Variants in KIAA1614 observed in about 807,000 individuals in gnomAD.
KIAA1614 encodes the protein KIAA1614, also known as uncharacterized protein KIAA1614.
Under a neutral mutation model 88.7 loss-of-function variants are expected in KIAA1614, and 76 were observed. The ratio of observed to expected loss-of-function variants is 0.86; its 90% CI spans 0.71 to 1.04. KIAA1614 has a LOEUF of 1.04. Ranked by LOEUF, KIAA1614 falls within the 50% of genes least tolerant of loss-of-function variation. KIAA1614 has a pLI of 0.00. For missense variants in KIAA1614, 1,553 were observed against 1,582.5 expected (o/e 0.98, Z 0.32); for synonymous variants, 714 against 675.5 (o/e 1.06, Z -0.88).
rs904047300 is a variant in KIAA1614 at position 180,947,526 on chromosome 1, A to G, written c.*1938A>G. ...TTGACTATTTGCTGATGAGCTGGAC[A>G]TGTAAGAGGAAGAGAGGACAGGTCT... is the stretch of plus-strand genomic sequence containing the variant. On this transcript the variant is annotated 3_prime_UTR_variant, in exon 9 of 9. Transcript: ENST00000367588. 5.3e-5 allele frequency: 8 copies of G among 152,252 alleles called. No homozygotes were observed. The highest frequency in any genetic ancestry group is 1.7e-4 in the African/African-American group (7 of 41,428). The allele number at this position is 152,252 out of a possible 1,614,324, so 9.4% of individuals were successfully genotyped here.
intron 3 of KIAA1614, 189 bp from the exon 4 acceptor site, chr1:180,928,241 C>A: frequency 1.5e-6 from 1 of 663,200 alleles, no homozygotes; most frequent in South Asian, 2.8e-5. Context: ...AGGGCCATTT[C>A]CCAGCCCCAG....
At chr1:180,928,924 T>C (rs1001046512) in intron 4 of KIAA1614, among the ~76,000 whole-genome samples, 2 of 152,312 alleles carry the variant, frequency 1.3e-5, no homozygotes, top group East Asian at 3.9e-4. Context: ...TAACTCCACC[T>C]GGAAAGGACA....
rs1654595927 is a variant in KIAA1614, at chr1:180,946,299, C to T, written c.*711C>T. The T allele has an allele frequency of 6.6e-6, 1 of 152,234 alleles. No homozygotes were observed. Among genetic ancestry groups the T allele is most frequent in the Non-Finnish European group, 1.5e-5 (1 of 68,092 alleles). 9.4% of individuals were successfully genotyped at this position (152,234 alleles called of 1,614,324 possible). A position where few individuals can be genotyped will look rare whatever the true frequency, so the allele number is the denominator to read the frequency against. On this transcript the variant is annotated 3_prime_UTR_variant, in exon 9 of 9. Transcript: ENST00000367588. ...ATGCCTGTCTGTCTCTGCATCCCGT[C>T]CCTCCCTCAGGCCTGTGCCCGATGA...
At chr1:180,941,409 G>A (rs1249225045) in intron 7 of KIAA1614, 124 bp downstream of exon 7, 42 of 1,174,956 alleles carry the variant, frequency 3.6e-5, no homozygotes, top group South Asian at 7.9e-5. Flanking sequence ...GTAGGGAGAC[G>A]GAAGCTGCTG....
chr1:180,925,597 G>A (rs891678737), intron 3 of KIAA1614, among the ~76,000 whole-genome samples: 1 of 152,240 alleles, frequency 6.6e-6, no homozygotes, highest in Admixed American at 6.5e-5. Context: ...GGAGAGCAAT[G>A]GTGGTTCTCC....
chr1:180,917,020 A>G lies in KIAA1614; in HGVS notation c.917A>G (p.Glu306Gly). The G allele has an allele frequency of 1.2e-6, 2 of 1,613,972 alleles. No individual in the cohort carries two copies. Among genetic ancestry groups the G allele is most frequent in the Non-Finnish European group, 1.7e-6 (2 of 1,180,040 alleles). Residue 306 changes from glutamate (E) to glycine (G), a missense_variant, in exon 2 of 9, where the codon GAG becomes GGG. Transcript: ENST00000367588. ...RVERNRLLLQEMLNVSGQSPR... is the reference protein window; with the variant it reads ...RVERNRLLLQGMLNVSGQSPR... The stretch of plus-strand genomic sequence containing the variant: ...GAGAGAAACCGCCTGTTGCTGCAGG[A>G]GATGCTCAACGTTTCTGGGCAGAGC...
rs1400449631 is a variant in KIAA1614 at position 180,935,179 on chromosome 1, A to G, written c.1270A>G (p.Asn424Asp). The G allele has an allele frequency of 6.8e-7, 1 of 1,475,436 alleles. No homozygotes were observed. The highest frequency in any genetic ancestry group is 9.0e-7 in the Non-Finnish European group (1 of 1,113,610). The allele number at this position is 1,475,436 out of a possible 1,614,324, so 91.4% of individuals were successfully genotyped here. Residue 424 changes from asparagine to aspartate, a missense_variant, in exon 5 of 9, where the codon AAC (asparagine) becomes GAC (aspartate). Transcript: ENST00000367588. The surrounding 1 kb of genome is among the most constrained non-coding windows in gnomAD (Gnocchi z 6.1). ...TTPACRDSLQ[N>D]GHTSDSSSGE... ...CCCTGCCTGCAGAGACAGCCTCCAG[A>G]ACGGGCACACGAGCGATTCCTCCAG...
chr1:180,944,344 C>G (rs1654534133), intron 7 of KIAA1614, 45 bp from the exon 8 acceptor site: 1 of 1,602,126 alleles, frequency 6.2e-7, no homozygotes, highest in Non-Finnish European at 8.5e-7. Context: ...GTCAGCACCT[C>G]CCAGGTAGCT....
chr1:180,943,548 A>ATTTGTTTTTTTTTTTTTTTTTT (rs201999726), intron 7 of KIAA1614, among the ~76,000 whole-genome samples: 1 of 74,862 alleles, frequency 1.3e-5, no homozygotes, highest in African/African-American at 5.6e-5. Flanking sequence ...ATGGTAGTAG[A>ATTTGTTTTTTTTTTTTTTTTTT]TCTTTTTTTT....
intron 4 of KIAA1614, among the ~76,000 whole-genome samples, chr1:180,930,202 G>T (rs548440984): frequency 1.6e-3 from 241 of 152,252 alleles, no homozygotes; most frequent in Non-Finnish European, 2.5e-3. Flanking sequence ...GGCGGATAAT[G>T]AGGTCAGGAG....
intron 3 of KIAA1614, among the ~76,000 whole-genome samples, chr1:180,926,447 C>T (rs1654068545): frequency 6.9e-6 from 1 of 145,664 alleles, no homozygotes; most frequent in South Asian, 2.1e-4. Context: ...CTTTGTCTGC[C>T]AGGAACTGAA....
chr1:180,941,754 G>A (rs975767149), intron 7 of KIAA1614, among the ~76,000 whole-genome samples: 6 of 152,262 alleles, frequency 3.9e-5, no homozygotes, highest in Admixed American at 1.3e-4. Flanking sequence ...CCCCCTCGCC[G>A]AACATCTGTC....
At chr1:180,931,571 C>T (rs1333083249) in intron 4 of KIAA1614, among the ~76,000 whole-genome samples, 1 of 152,234 alleles carries the variant, frequency 6.6e-6, no homozygotes, top group Non-Finnish European at 1.5e-5. Context: ...CCTTTATGCA[C>T]AGTTGCTGAC....
chr1:180,925,545 C>G (rs1411869128), intron 3 of KIAA1614, among the ~76,000 whole-genome samples: 1 of 152,248 alleles, frequency 6.6e-6, no homozygotes, highest in Non-Finnish European at 1.5e-5. Context: ...ATTATGATGG[C>G]TGCAGAAGAA....
chr1:180,948,856 T>C lies in KIAA1614; in HGVS notation c.*3268T>C, dbSNP rs1324408095. 2.0e-5 allele frequency: 3 copies of C among 152,230 alleles called. No homozygotes were observed. The highest frequency in any genetic ancestry group is 4.4e-5 in the Non-Finnish European group (3 of 68,052). 9.4% of individuals were successfully genotyped at this position (152,230 alleles called of 1,614,324 possible). A position where few individuals can be genotyped will look rare whatever the true frequency, so the allele number is the denominator to read the frequency against. ...TACACCTCAGACCAGGGAGGGGGAA[T>C]GTGTACAAAGATTGGATTTACTAAA... On this transcript the variant is annotated 3_prime_UTR_variant, in exon 9 of 9. Coordinates refer to ENST00000367588, the MANE Select transcript of KIAA1614 (RefSeq NM_020950.2).
chr1:180,932,529 C>A (rs376219692), intron 4 of KIAA1614, among the ~76,000 whole-genome samples: 147 of 152,222 alleles, frequency 9.7e-4, no homozygotes, highest in African/African-American at 3.4e-3. Flanking sequence ...CCATATTGTG[C>A]GTCCTTGGCA....
In KIAA1614 at chr1:180,936,058, G is replaced by T. The variant is rs1398043657; in HGVS notation, c.2149G>T (p.Val717Leu). 2 of 1,614,180 alleles carry T rather than the reference G, an allele frequency of 1.2e-6. No homozygotes were observed. Among genetic ancestry groups the T allele is most frequent in the Admixed American group, 1.7e-5 (1 of 60,030 alleles). Residue 717 changes from valine (V) to leucine (L), a missense_variant, in exon 5 of 9, where the codon GTG becomes TTG. Physicochemically the swap from Val to Leu is conservative, Grantham distance 32. Transcript: ENST00000367588. ...AKPPDLELKR[V>L]SLGPQWQPGP... ...GCCTCCTGACCTGGAGTTGAAGCGG[G>T]TGTCCCTGGGACCCCAGTGGCAGCC...
rs1447596540 is a variant in KIAA1614, at chr1:180,916,527, C to T, written c.424C>T (p.Pro142Ser). ...GSFLPGAVVAPRTQNLPDGQL... is the reference protein window; with the variant it reads ...GSFLPGAVVASRTQNLPDGQL... ...TTTCCTGCCAGGTGCTGTGGTGGCT[C>T]CTCGTACCCAAAACCTGCCTGATGG... Residue 142 changes from proline (P) to serine (S), a missense_variant, in exon 2 of 9, where the codon CCT becomes TCT. Physicochemically the swap from Pro to Ser is moderately conservative, Grantham distance 74. Coordinates refer to ENST00000367588, the MANE Select transcript of KIAA1614 (RefSeq NM_020950.2). 9 of 1,613,818 alleles carry T rather than the reference C, an allele frequency of 5.6e-6. No homozygotes were observed. The highest frequency in any genetic ancestry group is 1.6e-4 in the Middle Eastern group (1 of 6,062).
chr1:180,933,796 CGA>C (rs1273867856), intron 4 of KIAA1614, among the ~76,000 whole-genome samples: 1 of 152,074 alleles, frequency 6.6e-6, no homozygotes, highest in Non-Finnish European at 1.5e-5. Flanking sequence ...AAAAGCAGGA[CGA>C]GAGTGTGTGT....
Sources: allele counts gnomAD v4.1 joint callset (sites outside exome capture counted in the v4.1 genomes callset), GRCh38; gene constraint gnomAD v4.1.1; non-coding constraint Gnocchi (gnomAD v3.1); transcripts MANE v1.5; gene names NCBI Gene and HGNC (gene_info 2026-07-23, HGNC 2026-07-21).